The following ZNF804B variants were observed in gnomAD, a reference collection of about 807,000 sequenced individuals.
ZNF804B encodes the protein zinc finger 804B.
In ZNF804B, 80 loss-of-function variants were observed where a neutral mutation model predicts 101.4. The ratio of observed to expected loss-of-function variants is 0.79; its 90% CI spans 0.66 to 0.95. ZNF804B has a LOEUF of 0.95. Among genes scored for constraint, ZNF804B ranks in the 40% least tolerant of loss-of-function variants. The pLI is 0.00. For missense variants in ZNF804B, 1,673 were observed against 1,561.9 expected, an observed-to-expected ratio of 1.07 and a Z score of -1.20; for synonymous variants, 622 against 558.8, an observed-to-expected ratio of 1.11 and a Z score of -1.59.
At chr7:88,761,401 T>G (rs1428689707) in intron 1 of ZNF804B, among the ~76,000 whole-genome samples, 1 of 152,190 alleles carries the variant, frequency 6.6e-6, no homozygotes, top group Admixed American at 6.5e-5. Context: ...TAGCAGGCAC[T>G]TGCAGAGTTC....
At chr7:89,121,373 G>A (rs75029507) in intron 1 of ZNF804B, among the ~76,000 whole-genome samples, 2,770 of 151,556 alleles carry the variant, frequency 0.018, 89 homozygotes, top group African/African-American at 0.063. Flanking sequence ...TAGCATATTT[G>A]ACAGCTCATT....
chr7:88,971,007 A>T (rs1469188196), intron 1 of ZNF804B, among the ~76,000 whole-genome samples: 2 of 151,230 alleles, frequency 1.3e-5, no homozygotes, highest in African/African-American at 4.8e-5. Flanking sequence ...AAAAATAAAT[A>T]AAATAAAGAA....
chr7:88,783,187 C>T lies in ZNF804B; in HGVS notation c.108+23103C>T, dbSNP rs531794809. Among the ~76,000 whole-genome samples the T allele has an allele frequency of 6.4e-4, 98 of 152,238 alleles. 1 individual carries two copies. Among genetic ancestry groups the T allele is most frequent in the Admixed American group, 1.1e-3 (17 of 15,270 alleles). On this transcript the variant is annotated intron_variant, in intron 1 of 3. Coordinates refer to ENST00000333190, the MANE Select transcript of ZNF804B (RefSeq NM_181646.5). Reference sequence around the variant, plus strand: ...ACCCCATAAGTCAACCCACTAAGCACGTGGCTAAAGTGCCAGACTTATAAA... The same window carrying T: ...ACCCCATAAGTCAACCCACTAAGCATGTGGCTAAAGTGCCAGACTTATAAA...
chr7:89,196,577 TG>T (rs1324759362), intron 1 of ZNF804B, among the ~76,000 whole-genome samples: 5 of 152,082 alleles, frequency 3.3e-5, no homozygotes, highest in Admixed American at 3.3e-4. Context: ...AAAGATTTCA[TG>T]AGAGAGATGC....
chr7:88,794,747 C>T, intron 1 of ZNF804B: 1 of 1,613,454 alleles, frequency 6.2e-7, no homozygotes, highest in Non-Finnish European at 8.5e-7. Context: ...TAGTAGTCAG[C>T]AACATCTTTT....
At chr7:89,279,327 A>G (rs1415533617) in intron 2 of ZNF804B, among the ~76,000 whole-genome samples, 2 of 151,528 alleles carry the variant, frequency 1.3e-5, no homozygotes, top group Admixed American at 6.6e-5. Flanking sequence ...TCTTTTCCTA[A>G]TTGAATACCC....
intron 2 of ZNF804B, among the ~76,000 whole-genome samples, chr7:89,307,904 C>CT (rs1452969247): frequency 6.6e-6 from 1 of 151,958 alleles, no homozygotes; most frequent in African/African-American, 2.4e-5. Flanking sequence ...GCCTAATAAC[C>CT]TTTTTTCCTC....
chr7:88,866,533 A>G (rs1200691102), intron 1 of ZNF804B, among the ~76,000 whole-genome samples: 1 of 152,182 alleles, frequency 6.6e-6, no homozygotes, highest in Admixed American at 6.5e-5. Context: ...GTGTGAAGAG[A>G]AAGAGGTCAC....
At chr7:88,958,999 T>C (rs1251176712) in intron 1 of ZNF804B, among the ~76,000 whole-genome samples, 1 of 151,486 alleles carries the variant, frequency 6.6e-6, no homozygotes, top group Non-Finnish European at 1.5e-5. Context: ...TCACCTGTGA[T>C]TGAAAAGAGT....
intron 1 of ZNF804B, among the ~76,000 whole-genome samples, chr7:88,837,256 A>T (rs1791226968): frequency 6.6e-6 from 1 of 151,932 alleles, no homozygotes; most frequent in Non-Finnish European, 1.5e-5. Context: ...GAAAGAAGTG[A>T]TCCTGTAACT....
At chr7:89,301,107 T>TG (rs1269256157) in intron 2 of ZNF804B, among the ~76,000 whole-genome samples, 2 of 149,172 alleles carry the variant, frequency 1.3e-5, no homozygotes, top group Non-Finnish European at 3.0e-5. Context: ...GTGTTTTTTT[T>TG]TTTTTTTTTT....
At chr7:89,107,920 T>C (rs996181823) in intron 1 of ZNF804B, among the ~76,000 whole-genome samples, 3 of 152,004 alleles carry the variant, frequency 2.0e-5, no homozygotes, top group African/African-American at 4.8e-5. Flanking sequence ...TCCCGGAAGG[T>C]CGCCTGACTA....
intron 1 of ZNF804B, among the ~76,000 whole-genome samples, chr7:88,943,183 A>T (rs1793079280): frequency 6.6e-6 from 1 of 151,884 alleles, no homozygotes; most frequent in African/African-American, 2.4e-5. Context: ...GACTTAGTAA[A>T]TTTTTGTTGT....
At chr7:89,037,963 A>T (rs1317175718) in intron 1 of ZNF804B, among the ~76,000 whole-genome samples, 2 of 152,168 alleles carry the variant, frequency 1.3e-5, no homozygotes, top group Admixed American at 6.6e-5. Flanking sequence ...AGGTTCATTC[A>T]TGTTGTCTCA....
At chr7:89,257,361 A>G (rs1291588096) in intron 2 of ZNF804B, among the ~76,000 whole-genome samples, 1 of 152,144 alleles carries the variant, frequency 6.6e-6, no homozygotes, top group East Asian at 1.9e-4. Flanking sequence ...TTTATAATGC[A>G]CTAGAAAGAA....
intron 1 of ZNF804B, among the ~76,000 whole-genome samples, chr7:88,918,044 C>T (rs1049232602): frequency 6.6e-6 from 1 of 151,980 alleles, no homozygotes; most frequent in Non-Finnish European, 1.5e-5. Flanking sequence ...CAAAAACTAC[C>T]TTGGTAATGA....
chr7:89,290,617 C>T (rs944437333), intron 2 of ZNF804B, among the ~76,000 whole-genome samples: 21 of 151,988 alleles, frequency 1.4e-4, no homozygotes, highest in Admixed American at 7.9e-4. Context: ...AGCCATTACA[C>T]CTTTGGTAGT....
intron 1 of ZNF804B, among the ~76,000 whole-genome samples, chr7:89,198,812 A>G (rs1022007635): frequency 6.7e-6 from 1 of 148,462 alleles, no homozygotes; most frequent in Admixed American, 6.8e-5. Flanking sequence ...CAGAAATCCA[A>G]AAGACACAGT....
intron 1 of ZNF804B, among the ~76,000 whole-genome samples, chr7:88,942,527 TG>T (rs35911996): frequency 0.35 from 49,978 of 142,414 alleles, 8,614 homozygotes; most frequent in East Asian, 0.42. Flanking sequence ...TGTGTGTGTG[TG>T]TGTTTTGCAT....
Sources: allele counts gnomAD v4.1 joint callset (sites outside exome capture counted in the v4.1 genomes callset), GRCh38; gene constraint gnomAD v4.1.1; transcripts MANE v1.5; gene names NCBI Gene and HGNC (gene_info 2026-07-23, HGNC 2026-07-21).